ZNF474: variants seen among roughly 807,000 people sequenced by gnomAD.
ZNF474 encodes the protein 4933409D10Rik.
For synonymous variants in ZNF474, 192 were observed against 162.2 expected, an observed-to-expected ratio of 1.18 and a Z score of -1.39; for missense variants, 511 against 433.8, an observed-to-expected ratio of 1.18 and a Z score of -1.58.
intron 1 of ZNF474, among the ~76,000 whole-genome samples, chr5:122,131,911 G>T (rs1178111114): frequency 6.6e-6 from 1 of 151,908 alleles, no homozygotes; most frequent in Non-Finnish European, 1.5e-5. Flanking sequence ...TACAAAATTT[G>T]ATGAGTTTTG....
chr5:122,147,565 C>G (rs534261179), intron 1 of ZNF474, among the ~76,000 whole-genome samples: 12 of 150,742 alleles, frequency 8.0e-5, no homozygotes, highest in Non-Finnish European at 1.6e-4. Context: ...TGATGTTCCC[C>G]GTGCTGTGTC....
intron 1 of ZNF474, 147 bp from the exon 2 acceptor site, chr5:122,151,632 G>C (rs769750397): frequency 6.0e-6 from 1 of 167,750 alleles, no homozygotes; most frequent in Non-Finnish European, 1.3e-5. Flanking sequence ...TACTGTGCTA[G>C]TCAAAAAGTA....
chr5:122,149,032 G>GA (rs1015625235), intron 1 of ZNF474, among the ~76,000 whole-genome samples: 4 of 152,002 alleles, frequency 2.6e-5, no homozygotes, highest in Non-Finnish European at 4.4e-5. Context: ...GCCCGGCCTG[G>GA]AAAAAGTGAT....
rs371562696 is a variant in ZNF474 at position 122,144,439 on chromosome 5, C to T, written c.-212-7340C>T. On this transcript the variant is annotated intron_variant, in intron 1 of 1. Transcript: ENST00000296600. The stretch of plus-strand genomic sequence containing the variant: ...AGGCACAGCTGTTACTCAGCATCAG[C>T]TTATGTTAGATGTTGCCACACAGGA... Among the ~76,000 whole-genome samples the T allele has an allele frequency of 3.3e-5, 5 of 152,302 alleles. No homozygotes were observed. The Middle Eastern group carries it at 0.01, about 311-fold the overall frequency.
At chr5:122,143,304 T>C (rs1429007517) in intron 1 of ZNF474, among the ~76,000 whole-genome samples, 1 of 152,190 alleles carries the variant, frequency 6.6e-6, no homozygotes, top group Non-Finnish European at 1.5e-5. Context: ...ACACTTCTGA[T>C]ACTAACACAG....
chr5:122,130,488 G>A (rs2152602343), intron 1 of ZNF474, among the ~76,000 whole-genome samples: 1 of 152,166 alleles, frequency 6.6e-6, no homozygotes, highest in South Asian at 2.1e-4. Flanking sequence ...GTTTTTTCAA[G>A]CATTTCAATG....
Position 122,153,078 on chromosome 5 carries a change from G to C in ZNF474, c.1088G>C (p.Cys363Ser). ...DALGEPGGAL[C>S]L The stretch of plus-strand genomic sequence containing the variant: ...TTAGGTGAACCTGGTGGTGCCCTCT[G>C]CCTGTAGGGGAACAAGAGAAAACTA... The change falls in exon 2 of 2, where the codon TGC (cysteine) becomes TCC (serine). Residue 363 changes from cysteine to serine, a missense_variant. Physicochemically the swap from Cys to Ser is moderately radical, Grantham distance 112. Transcript: ENST00000296600. 1 of 1,604,950 alleles carries C rather than the reference G, an allele frequency of 6.2e-7. No homozygotes were observed. The highest frequency in any genetic ancestry group is 8.5e-7 in the Non-Finnish European group (1 of 1,174,542).
In ZNF474 at chr5:122,152,336, T is replaced by C; in HGVS notation, c.346T>C (p.Cys116Arg). 6.2e-7 allele frequency: 1 copy of C among 1,614,172 alleles called. No homozygotes were observed. Among genetic ancestry groups the C allele is most frequent in the East Asian group, 2.2e-5 (1 of 44,874 alleles). Reference sequence around the variant, plus strand: ...GTCAATTGCCATTCATGAACCCCAGTGCTTGCAGAAGTGGCATATTGAAAA... The same window carrying C: ...GTCAATTGCCATTCATGAACCCCAGCGCTTGCAGAAGTGGCATATTGAAAA... ...SQSIAIHEPQ[C>R]LQKWHIENSK... The change falls in exon 2 of 2, where the codon TGC (cysteine) becomes CGC (arginine). Residue 116 changes from cysteine (C) to arginine (R), a missense_variant. Coordinates refer to ENST00000296600, the MANE Select transcript of ZNF474 (RefSeq NM_207317.3).
chr5:122,152,297 G>C lies in ZNF474; in HGVS notation c.307G>C (p.Glu103Gln). Reference sequence around the variant, plus strand: ...CCGGGTATGCTATATCTGTGGCCGAGAATTTGGGTCCCAGTCAATTGCCAT... The same window carrying C: ...CCGGGTATGCTATATCTGTGGCCGACAATTTGGGTCCCAGTCAATTGCCAT... ...GFRVCYICGR[E>Q]FGSQSIAIHE... The change falls in exon 2 of 2, where the codon GAA becomes CAA. Residue 103 changes from glutamate to glutamine, a missense_variant. Transcript: ENST00000296600. 6.8e-6 allele frequency: 11 copies of C among 1,614,216 alleles called. No individual in the cohort carries two copies. The highest frequency in any genetic ancestry group is 8.5e-6 in the Non-Finnish European group (10 of 1,180,040).
Position 122,152,968 on chromosome 5 carries a change from A to C in ZNF474, c.978A>C (p.Leu326=), listed in dbSNP as rs1177576964. The change falls in exon 2 of 2, where the codon CTA becomes CTC. Residue 326 remains leucine (L), a synonymous_variant. Coordinates refer to ENST00000296600, the MANE Select transcript of ZNF474 (RefSeq NM_207317.3). The part of the protein sequence containing the change: ...QNLNLGSKGG[L]KEYTNSKQQR... ...TGAATTTAGGGAGTAAAGGAGGCCT[A>C]AAAGAGTACACTAATTCCAAGCAGC... 6.8e-6 allele frequency: 11 copies of C among 1,613,920 alleles called. No homozygotes were observed. The highest frequency in any genetic ancestry group is 9.3e-6 in the Non-Finnish European group (11 of 1,180,046).
intron 1 of ZNF474, among the ~76,000 whole-genome samples, chr5:122,134,990 G>T (rs1561437088): frequency 6.6e-6 from 1 of 152,094 alleles, no homozygotes; most frequent in Non-Finnish European, 1.5e-5. Context: ...AAACAAAAAT[G>T]GACAAATGGG....
At chr5:122,136,278 T>C (rs1002128185) in intron 1 of ZNF474, among the ~76,000 whole-genome samples, 4 of 152,226 alleles carry the variant, frequency 2.6e-5, no homozygotes, top group Non-Finnish European at 5.9e-5. Context: ...AACTATTATG[T>C]ATTCATAATA....
At chr5:122,147,056 A>G (rs764692081) in intron 1 of ZNF474, among the ~76,000 whole-genome samples, 6 of 152,230 alleles carry the variant, frequency 3.9e-5, no homozygotes, top group Non-Finnish European at 8.8e-5. Flanking sequence ...TCTGCCGGAC[A>G]TTAGAAGGGA....
At chr5:122,142,633 A>C (rs187486009) in intron 1 of ZNF474, among the ~76,000 whole-genome samples, 1 of 152,144 alleles carries the variant, frequency 6.6e-6, no homozygotes, top group Admixed American at 6.6e-5. Context: ...TTTCCTGGGA[A>C]ATGAGAATTT....
intron 1 of ZNF474, among the ~76,000 whole-genome samples, chr5:122,148,717 G>C (rs182247937): frequency 3.9e-5 from 6 of 152,174 alleles, no homozygotes; most frequent in African/African-American, 1.4e-4. Flanking sequence ...ACTGTATATG[G>C]CAAAAGTGAT....
intron 1 of ZNF474, among the ~76,000 whole-genome samples, chr5:122,139,052 T>C (rs1019029174): frequency 3.3e-5 from 5 of 152,238 alleles, no homozygotes; most frequent in African/African-American, 4.8e-5. Context: ...TACTAAATGA[T>C]TGTAAAACAT....
chr5:122,144,542 T>C (rs1376764191), intron 1 of ZNF474, among the ~76,000 whole-genome samples: 1 of 152,148 alleles, frequency 6.6e-6, no homozygotes, highest in East Asian at 1.9e-4. Context: ...ATCTCCCAAT[T>C]TTAAAATAAC....
intron 1 of ZNF474, among the ~76,000 whole-genome samples, chr5:122,150,380 G>A (rs1756134036): frequency 6.6e-6 from 1 of 152,128 alleles, no homozygotes; most frequent in South Asian, 2.1e-4. Context: ...TACTCTTAAA[G>A]GCAAGGATTC....
At position 122,152,373 on chromosome 5, in the gene ZNF474, C is replaced by T. The variant is rs1363785805; in HGVS notation, c.383C>T (p.Pro128Leu). 1.6e-5 allele frequency: 26 copies of T among 1,614,128 alleles called. No individual in the cohort carries two copies. Among genetic ancestry groups the T allele is most frequent in the Non-Finnish European group, 2.1e-5 (25 of 1,180,030 alleles). The change falls in exon 2 of 2, where the codon CCC becomes CTC. Residue 128 changes from proline (P) to leucine (L), a missense_variant. Coordinates refer to ENST00000296600, the MANE Select transcript of ZNF474 (RefSeq NM_207317.3). The part of the protein sequence containing the change: ...QKWHIENSKL[P>L]KHLRRPEPSK... ...TGGCATATTGAAAACAGCAAGTTGC[C>T]CAAGCATTTGAGGAGGCCAGAACCC...
Sources: allele counts gnomAD v4.1 joint callset (sites outside exome capture counted in the v4.1 genomes callset), GRCh38; gene constraint gnomAD v4.1.1; transcripts MANE v1.5; gene names NCBI Gene and HGNC (gene_info 2026-07-23, HGNC 2026-07-21).